Variants in CHCHD3 observed in about 807,000 individuals in gnomAD.
CHCHD3 encodes the protein MICOS complex subunit MIC19.
CHCHD3 carries 20 observed loss-of-function variants against 38.2 expected under a neutral mutation model. The observed-to-expected ratio is 0.52, with a 90% CI of 0.37 to 0.76. CHCHD3 has a LOEUF of 0.76. Among genes scored for constraint, CHCHD3 ranks in the 30% least tolerant of loss-of-function variants. The probability of loss-of-function intolerance (pLI) is 0.00; values close to 1 mark genes in which losing one functional copy is unlikely to be tolerated. For synonymous variants in CHCHD3, 82 were observed against 100.0 expected (o/e 0.82, Z 1.07); for missense variants, 245 against 279.2 (o/e 0.88, Z 0.87).
At chr7:132,844,021 C>T (rs1353538989) in intron 5 of CHCHD3, among the ~76,000 whole-genome samples, 5 of 152,186 alleles carry the variant, frequency 3.3e-5, no homozygotes, top group Admixed American at 1.3e-4. Flanking sequence ...ACAAACGGGC[C>T]GGGCGAAGTG....
At chr7:132,967,863 G>A (rs1187507091) in intron 4 of CHCHD3, among the ~76,000 whole-genome samples, 10 of 149,644 alleles carry the variant, frequency 6.7e-5, no homozygotes, top group South Asian at 2.1e-4. Context: ...CATTTCTGCC[G>A]ACCTAGATGA....
intron 6 of CHCHD3, among the ~76,000 whole-genome samples, chr7:132,819,395 G>A (rs888570993): frequency 7.2e-5 from 11 of 152,048 alleles, no homozygotes; most frequent in East Asian, 1.9e-4. Flanking sequence ...ACGAGAAAAC[G>A]CACTTTTTTT....
chr7:132,791,321 T>C (rs866028760), intron 7 of CHCHD3, among the ~76,000 whole-genome samples: 11 of 152,276 alleles, frequency 7.2e-5, no homozygotes, highest in Middle Eastern at 3.4e-3. Flanking sequence ...TGGTTTTGAA[T>C]TTAAGAGTGG....
chr7:132,792,991 C>T (rs1035773131), intron 7 of CHCHD3, among the ~76,000 whole-genome samples: 1 of 152,170 alleles, frequency 6.6e-6, no homozygotes, highest in Non-Finnish European at 1.5e-5. Context: ...TGGTCCCAGA[C>T]GTAATGCAGA....
At chr7:132,918,199 G>A (rs1370342194) in intron 4 of CHCHD3, among the ~76,000 whole-genome samples, 1 of 152,184 alleles carries the variant, frequency 6.6e-6, no homozygotes, top group African/African-American at 2.4e-5. Flanking sequence ...AAAGCCTTGA[G>A]TTGGCTGCTG....
chr7:132,946,130 G>A (rs1238190972), intron 4 of CHCHD3, among the ~76,000 whole-genome samples: 4 of 151,524 alleles, frequency 2.6e-5, no homozygotes, highest in Non-Finnish European at 5.9e-5. Context: ...TAACCATTAA[G>A]GAATAATTCA....
intron 5 of CHCHD3, among the ~76,000 whole-genome samples, chr7:132,866,298 T>C (rs1451397347): frequency 2.0e-5 from 3 of 152,144 alleles, no homozygotes; most frequent in Admixed American, 6.5e-5. Flanking sequence ...CACTTCCTGG[T>C]TTTGCCACTT....
chr7:133,064,533 T>G (rs1814613420), intron 2 of CHCHD3, among the ~76,000 whole-genome samples: 6 of 152,208 alleles, frequency 3.9e-5, no homozygotes. Context: ...AAGAGCTGTT[T>G]AAAAATAACT....
At position 132,860,458 on chromosome 7, in the gene CHCHD3, C is replaced by G. The variant is rs559658500; in HGVS notation, c.454-21989G>C. 7.9e-5 allele frequency among the ~76,000 whole-genome samples: 12 copies of G among 152,288 alleles called. 3 individuals carry two copies. The highest frequency in any genetic ancestry group is 2.9e-4 in the African/African-American group (12 of 41,556). On this transcript the variant is annotated intron_variant, in intron 5 of 7. Coordinates refer to ENST00000262570, the MANE Select transcript of CHCHD3 (RefSeq NM_017812.4). The stretch of plus-strand genomic sequence containing the variant: ...CTGAAGCCAGAGATACAGGAATCAT[C>G]TTTCTTTCTTACACCATCTTATATC...
chr7:132,940,997 CCA>C (rs1199836557), intron 4 of CHCHD3, among the ~76,000 whole-genome samples: 1 of 152,108 alleles, frequency 6.6e-6, no homozygotes, highest in Non-Finnish European at 1.5e-5. Context: ...TTCTCAGTGG[CCA>C]GTTTCCTCTC....
chr7:132,852,673 C>A (rs925232975), intron 5 of CHCHD3, among the ~76,000 whole-genome samples: 1 of 152,116 alleles, frequency 6.6e-6, no homozygotes, highest in Non-Finnish European at 1.5e-5. Context: ...TCATAACCAA[C>A]AGGTGGGAAC....
chr7:132,904,264 GA>G (rs773936483), intron 4 of CHCHD3, among the ~76,000 whole-genome samples: 41 of 136,480 alleles, frequency 3.0e-4, no homozygotes, highest in East Asian at 8.5e-4. Context: ...TTTGTGTCTA[GA>G]AAAAAAAAAA....
chr7:133,061,279 G>A (rs1032788828), intron 2 of CHCHD3, among the ~76,000 whole-genome samples: 11 of 152,132 alleles, frequency 7.2e-5, no homozygotes, highest in African/African-American at 2.4e-4. Context: ...GCAAGAGACT[G>A]TCAGGGTAAT....
At chr7:133,073,716 T>A (rs1814895829) in intron 1 of CHCHD3, among the ~76,000 whole-genome samples, 1 of 152,174 alleles carries the variant, frequency 6.6e-6, no homozygotes, top group Admixed American at 6.5e-5. Context: ...TCCTGTACCA[T>A]CCGCTTAAAA....
intron 4 of CHCHD3, among the ~76,000 whole-genome samples, chr7:132,928,720 T>C (rs571284577): frequency 1.7e-4 from 26 of 151,914 alleles, no homozygotes; most frequent in African/African-American, 5.8e-4. Flanking sequence ...ATAAAATAAA[T>C]AGACTCAGCA....
intron 4 of CHCHD3, among the ~76,000 whole-genome samples, chr7:132,963,167 T>C (rs944615961): frequency 1.1e-4 from 16 of 148,654 alleles, no homozygotes; most frequent in Admixed American, 7.4e-4. Flanking sequence ...TATATATATA[T>C]ATAATATATG....
chr7:133,044,169 G>A (rs1395127218), intron 2 of CHCHD3, among the ~76,000 whole-genome samples: 1 of 152,160 alleles, frequency 6.6e-6, no homozygotes, highest in African/African-American at 2.4e-5. Flanking sequence ...AGCAACTGAA[G>A]GGCTGAAACC....
intron 3 of CHCHD3, among the ~76,000 whole-genome samples, chr7:133,016,158 T>A (rs185966001): frequency 1.3e-5 from 2 of 152,300 alleles, no homozygotes; most frequent in Admixed American, 1.3e-4. Context: ...TTGGTAAGTT[T>A]CTTACCCTCT....
At chr7:132,818,249 C>T (rs535433837) in intron 6 of CHCHD3, among the ~76,000 whole-genome samples, 171 of 152,314 alleles carry the variant, frequency 1.1e-3, no homozygotes, top group African/African-American at 4.0e-3. Flanking sequence ...AACACTGAAC[C>T]TTAGCTGTTA....
Sources: gnomAD v4.1 joint callset for allele counts (sites outside exome capture counted in the v4.1 genomes callset) on GRCh38, gnomAD v4.1.1 for gene constraint, MANE v1.5 for transcripts, NCBI Gene and HGNC (gene_info 2026-07-23, HGNC 2026-07-21) for gene names.